NIBAN2: variants seen among roughly 807,000 people sequenced by gnomAD.
The protein encoded by NIBAN2 is niban apoptosis regulator 2.
In NIBAN2, 36 loss-of-function variants were observed where a neutral mutation model predicts 81.8. That is an observed-to-expected ratio of 0.44 (90% CI 0.34 to 0.58). The LOEUF (loss-of-function observed/expected upper bound fraction) is 0.58. NIBAN2 is among the 20% of genes least tolerant of loss of function. The pLI is 0.02. For synonymous variants in NIBAN2, 445 were observed against 441.6 expected (o/e 1.01, Z -0.10); for missense variants, 897 against 1,014.1 (o/e 0.88, Z 1.57).
At chr9:127,553,321 G>A (rs1837611273) in intron 1 of NIBAN2, among the ~76,000 whole-genome samples, 1 of 152,202 alleles carries the variant, frequency 6.6e-6, no homozygotes, top group East Asian at 1.9e-4. Context: ...TGGGTCTGAG[G>A]GGGAGGCCAG....
Position 127,566,547 on chromosome 9 carries a change from C to T in NIBAN2, c.55+2273G>A, listed in dbSNP as rs181677216. Reference sequence around the variant, plus strand: ...GGAGCACGCTTGACCTTTGCCAGGACTTGCAGGCAGGCTGGCATTCACCTG... The same window carrying T: ...GGAGCACGCTTGACCTTTGCCAGGATTTGCAGGCAGGCTGGCATTCACCTG... On this transcript the variant is annotated intron_variant, in intron 1 of 13. Transcript: ENST00000373312. 1.6e-4 allele frequency among the ~76,000 whole-genome samples: 25 copies of T among 152,324 alleles called. No homozygotes were observed. The East Asian group carries it at 4.4e-3, about 27-fold the overall frequency.
At chr9:127,569,156 C>T (rs1290112225), upstream of NIBAN2, 1 of 845,472 alleles carries the variant, frequency 1.2e-6, no homozygotes, top group Non-Finnish European at 1.4e-6. Context: ...AACCCCGCCC[C>T]CTCCCCGCCC....
At chr9:127,560,988 C>A (rs781250166) in intron 1 of NIBAN2, among the ~76,000 whole-genome samples, 4 of 152,194 alleles carry the variant, frequency 2.6e-5, no homozygotes, top group Non-Finnish European at 5.9e-5. Context: ...CAGAGTCACA[C>A]AGCAAGTGGT....
intron 8 of NIBAN2, among the ~76,000 whole-genome samples, chr9:127,516,592 T>C (rs1173370531): frequency 6.6e-6 from 1 of 152,038 alleles, no homozygotes; most frequent in Non-Finnish European, 1.5e-5. Flanking sequence ...AAATGACACA[T>C]GGTAAAAATC....
At chr9:127,522,966 A>G (rs1400100332) in intron 5 of NIBAN2, among the ~76,000 whole-genome samples, 15 of 151,290 alleles carry the variant, frequency 9.9e-5, no homozygotes. Flanking sequence ...CCAGACTGCC[A>G]ATTGTAGGAG....
Position 127,507,147 on chromosome 9 carries a change from G to C in NIBAN2, c.1939C>G (p.Pro647Ala). 1 of 1,606,954 alleles carries C rather than the reference G, an allele frequency of 6.2e-7. No individual in the cohort carries two copies. Among genetic ancestry groups the C allele is most frequent in the Non-Finnish European group, 8.5e-7 (1 of 1,177,266 alleles). The part of the protein sequence containing the change: ...ASPESPPPAS[P>A]DGVTEIRGLL... Reference sequence around the variant, plus strand: ...CCTCGGATCTCAGTGACACCGTCCGGGGACGCAGGTGGTGGTGACTCAGGG... The same window carrying C: ...CCTCGGATCTCAGTGACACCGTCCGCGGACGCAGGTGGTGGTGACTCAGGG... Residue 647 changes from proline to alanine, a missense_variant, in exon 14 of 14, where the codon CCG becomes GCG. Coordinates refer to ENST00000373312, the MANE Select transcript of NIBAN2 (RefSeq NM_022833.4). The surrounding 1 kb of genome is among the most constrained non-coding windows in gnomAD (Gnocchi z 6.8).
rs1837731095 is a variant in NIBAN2 at position 127,559,362 on chromosome 9, G to A, written c.55+9458C>T. ...ACAGGTTCCTAAGGGGTCACAGCTG[G>A]AAGTGCATGCCCGTTGCACAGATAG... On this transcript the variant is annotated intron_variant, in intron 1 of 13. Transcript: ENST00000373312. This position sits in a 1 kb window ranked among gnomAD's most constrained non-coding sequence, Gnocchi z 4.0. Among the ~76,000 whole-genome samples the A allele has an allele frequency of 1.3e-5, 2 of 152,254 alleles. No homozygotes were observed. Among genetic ancestry groups the A allele is most frequent in the African/African-American group, 4.8e-5 (2 of 41,472 alleles).
chr9:127,552,065 C>T (rs897620877), intron 1 of NIBAN2, among the ~76,000 whole-genome samples: 5 of 152,188 alleles, frequency 3.3e-5, no homozygotes, highest in African/African-American at 7.2e-5. Flanking sequence ...CAAAGATGCC[C>T]TAAACCCCCA....
At chr9:127,540,452 G>A (rs1335706069) in intron 1 of NIBAN2, among the ~76,000 whole-genome samples, 1 of 152,182 alleles carries the variant, frequency 6.6e-6, no homozygotes, top group African/African-American at 2.4e-5. Flanking sequence ...TTCCTTCTTT[G>A]CCTTGTCATG....
At position 127,505,652 on chromosome 9, in the gene NIBAN2, C is replaced by G. The variant is rs556044621; in HGVS notation, c.*1193G>C. 1 of 152,286 alleles carries G rather than the reference C, an allele frequency of 6.6e-6. No homozygotes were observed. The highest frequency in any genetic ancestry group is 1.5e-5 in the Non-Finnish European group (1 of 68,136). 9.4% of individuals were successfully genotyped at this position (152,286 alleles called of 1,614,324 possible). Reference sequence around the variant, plus strand: ...AGGAGTCCATTTCTGCCCTGCCCCCCGCAAAGCAGCAGGGGAGGGGGCCTG... The same window carrying G: ...AGGAGTCCATTTCTGCCCTGCCCCCGGCAAAGCAGCAGGGGAGGGGGCCTG... On this transcript the variant is annotated 3_prime_UTR_variant, in exon 14 of 14. Coordinates refer to ENST00000373312, the MANE Select transcript of NIBAN2 (RefSeq NM_022833.4).
Position 127,517,277 on chromosome 9 carries a change from C to A in NIBAN2, c.706-61G>T. 1 of 1,447,434 alleles carries A rather than the reference C, an allele frequency of 6.9e-7. No homozygotes were observed. Among genetic ancestry groups the A allele is most frequent in the East Asian group, 2.3e-5 (1 of 42,944 alleles). 89.7% of individuals were successfully genotyped at this position (1,447,434 alleles called of 1,614,324 possible). ...GAGAGCGCTCAGCTGGCCTGTTTCT[C>A]TCTGCATTCCCACAAGCCAGGCCGC... On this transcript the variant is annotated intron_variant, in intron 6 of 13. Transcript: ENST00000373312. This position sits in a 1 kb window ranked among gnomAD's most constrained non-coding sequence, Gnocchi z 4.0.
chr9:127,506,825 G>T lies in NIBAN2; in HGVS notation c.*20C>A. On this transcript the variant is annotated 3_prime_UTR_variant, in exon 14 of 14. Coordinates refer to ENST00000373312, the MANE Select transcript of NIBAN2 (RefSeq NM_022833.4). ...AAGGGAACGGCCTGTGCCATGTGCA[G>T]CAGTCAGGGACCCACTGGCCTAGAA... 1 of 1,575,330 alleles carries T rather than the reference G, an allele frequency of 6.3e-7. No individual in the cohort carries two copies. The highest frequency in any genetic ancestry group is 8.6e-7 in the Non-Finnish European group (1 of 1,158,074).
rs903233798 is a variant in NIBAN2, at chr9:127,506,575, A to C, written c.*270T>G. 1 of 367,076 alleles carries C rather than the reference A, an allele frequency of 2.7e-6. No homozygotes were observed. The highest frequency in any genetic ancestry group is 4.9e-6 in the Non-Finnish European group (1 of 204,918). The allele number at this position is 367,076 out of a possible 1,614,324, so 22.7% of individuals were successfully genotyped here. A position where few individuals can be genotyped will look rare whatever the true frequency, so the allele number is the denominator to read the frequency against. On this transcript the variant is annotated 3_prime_UTR_variant, in exon 14 of 14. Coordinates refer to ENST00000373312, the MANE Select transcript of NIBAN2 (RefSeq NM_022833.4). ...GAAGGGAGGGGCTTTCCAGCCCCCC[A>C]GCAGTGTCCAGCCCTTGGCACAAGC...
chr9:127,551,866 G>A (rs1057350855), intron 1 of NIBAN2, among the ~76,000 whole-genome samples: 1 of 152,214 alleles, frequency 6.6e-6, no homozygotes, highest in African/African-American at 2.4e-5. Flanking sequence ...CTGGGCCTCT[G>A]CAGACCTGCC....
intron 5 of NIBAN2, among the ~76,000 whole-genome samples, chr9:127,521,712 C>T (rs547884585): frequency 6.6e-6 from 1 of 152,314 alleles, no homozygotes; most frequent in South Asian, 2.1e-4. Context: ...GGAGAAGGGG[C>T]CACCCGGCAG....
In NIBAN2 at chr9:127,527,378, C is replaced by G. The variant is rs542673707; in HGVS notation, c.187-56G>C. 8 of 1,549,114 alleles carry G rather than the reference C, an allele frequency of 5.2e-6. No homozygotes were observed. The East Asian group carries it at 1.8e-4, about 35-fold the overall frequency. The stretch of plus-strand genomic sequence containing the variant: ...CCAGGTCTGGGGGGGTGGTGCTCCC[C>G]ATGAAGCTGATGGCCCAGCCAGCAG... On this transcript the variant is annotated intron_variant, in intron 2 of 13. Transcript: ENST00000373312.
intron 2 of NIBAN2, among the ~76,000 whole-genome samples, chr9:127,530,351 G>A (rs1214044764): frequency 1.3e-5 from 2 of 152,200 alleles, no homozygotes; most frequent in East Asian, 1.9e-4. Flanking sequence ...AAGGGCCCTG[G>A]GCTGGTCCAG....
intron 3 of NIBAN2, among the ~76,000 whole-genome samples, chr9:127,526,150 G>A (rs1321044968): frequency 2.6e-5 from 4 of 151,948 alleles, no homozygotes; most frequent in Admixed American, 2.0e-4. Context: ...GCCTGTAATC[G>A]CAGCACTTTG....
At chr9:127,531,206 T>C (rs1228332532) in intron 2 of NIBAN2, among the ~76,000 whole-genome samples, 2 of 140,924 alleles carry the variant, frequency 1.4e-5, no homozygotes, top group Non-Finnish European at 3.0e-5. Context: ...AAGCCGCACA[T>C]AGTGGCTCAC....
Sources: gnomAD v4.1 joint callset for allele counts (sites outside exome capture counted in the v4.1 genomes callset) on GRCh38, gnomAD v4.1.1 for gene constraint, Gnocchi (gnomAD v3.1) non-coding constraint, MANE v1.5 for transcripts, NCBI Gene and HGNC (gene_info 2026-07-23, HGNC 2026-07-21) for gene names.